Variants in OPCML observed in about 807,000 individuals in gnomAD.
OPCML encodes the protein opioid-binding protein/cell adhesion molecule.
In OPCML, 13 loss-of-function variants were observed where a neutral mutation model predicts 37.8. That is an observed-to-expected ratio of 0.34 (90% confidence interval 0.22 to 0.55). OPCML has a LOEUF of 0.55. Ranked by LOEUF, OPCML falls within the 20% of genes least tolerant of loss-of-function variation. The pLI, the probability that OPCML is intolerant of heterozygous loss-of-function variation, is 0.91. For missense variants in OPCML, 341 were observed against 435.6 expected, an observed-to-expected ratio of 0.78 and a Z score of 1.93; for synonymous variants, 176 against 168.8, an observed-to-expected ratio of 1.04 and a Z score of -0.33.
intron 3 of OPCML, among the ~76,000 whole-genome samples, chr11:132,588,694 G>C (rs961085747): frequency 6.6e-6 from 1 of 152,136 alleles, no homozygotes; most frequent in Non-Finnish European, 1.5e-5. Context: ...CATGTGTAAG[G>C]CTGGGCCCAC....
At chr11:133,214,165 A>C (rs1158039357) in intron 1 of OPCML, among the ~76,000 whole-genome samples, 1 of 152,206 alleles carries the variant, frequency 6.6e-6, no homozygotes, top group Non-Finnish European at 1.5e-5. Flanking sequence ...TTTTAATAAT[A>C]AGATTAAAAA....
At chr11:133,472,096 A>G (rs1316567135) in intron 1 of OPCML, among the ~76,000 whole-genome samples, 1 of 151,934 alleles carries the variant, frequency 6.6e-6, no homozygotes, top group East Asian at 1.9e-4. Context: ...TTTTTTTTCT[A>G]CTGTCAAAAA....
At chr11:132,786,941 A>C (rs1373892564) in intron 2 of OPCML, among the ~76,000 whole-genome samples, 4 of 152,174 alleles carry the variant, frequency 2.6e-5, no homozygotes, top group Non-Finnish European at 4.4e-5. Context: ...GGCATGGAGT[A>C]GGAAGTTCTA....
intron 2 of OPCML, among the ~76,000 whole-genome samples, chr11:132,675,361 A>G (rs1418274302): frequency 6.6e-6 from 1 of 152,024 alleles, no homozygotes; most frequent in Non-Finnish European, 1.5e-5. Flanking sequence ...ATAGCTCTTA[A>G]TTACACCCTC....
intron 2 of OPCML, among the ~76,000 whole-genome samples, chr11:132,853,429 T>TA (rs1941904767): frequency 1.3e-5 from 2 of 152,188 alleles, no homozygotes; most frequent in African/African-American, 4.8e-5. Flanking sequence ...ATGGTAAAAA[T>TA]ATGAATTCAA....
chr11:133,374,992 A>G (rs1048087042), intron 1 of OPCML, among the ~76,000 whole-genome samples: 1 of 152,202 alleles, frequency 6.6e-6, no homozygotes, highest in African/African-American at 2.4e-5. Flanking sequence ...TTAGTATGAA[A>G]GTGAATGATT....
At chr11:133,057,532 T>C (rs1025914304) in intron 1 of OPCML, among the ~76,000 whole-genome samples, 34 of 152,188 alleles carry the variant, frequency 2.2e-4, no homozygotes, top group African/African-American at 8.2e-4. Context: ...AATTCTCCAG[T>C]AGGACATGGG....
rs117234931 is a variant in OPCML, at chr11:132,555,669, G to A, written c.380-26483C>T. Among the ~76,000 whole-genome samples the A allele has an allele frequency of 6.6e-4, 100 of 152,188 alleles. No homozygotes were observed. In the East Asian group the frequency reaches 0.019, roughly 28 times the overall value. ...AACCCTCAAGTCTGAAGAAAGGAGG[G>A]GATGAATGAAGGCGCGTAGACTTCT... On this transcript the variant is annotated intron_variant, in intron 3 of 7. Transcript: ENST00000524381.
chr11:133,488,336 T>C (rs1378042611), intron 1 of OPCML, among the ~76,000 whole-genome samples: 1 of 152,144 alleles, frequency 6.6e-6, no homozygotes, highest in Non-Finnish European at 1.5e-5. Context: ...CCTTGTTCAA[T>C]GATGATATGA....
intron 1 of OPCML, among the ~76,000 whole-genome samples, chr11:133,434,707 T>C (rs1475025000): frequency 6.6e-6 from 1 of 150,792 alleles, no homozygotes; most frequent in Non-Finnish European, 1.5e-5. Flanking sequence ...GTAAGAAAAT[T>C]GGCTTCTACT....
At chr11:133,139,430 T>C (rs1027529780) in intron 1 of OPCML, among the ~76,000 whole-genome samples, 5 of 152,244 alleles carry the variant, frequency 3.3e-5, no homozygotes, top group African/African-American at 1.2e-4. Context: ...TCAGAGAGGT[T>C]GCCCAGTGCT....
Position 133,212,024 on chromosome 11 carries a change from C to A in OPCML, c.62-269014G>T, listed in dbSNP as rs1006876553. The stretch of plus-strand genomic sequence containing the variant: ...ACAGCCTGATAGCAGATTGACCGTG[C>A]CAGCTGTCACTTTTACAATCTCCAT... On this transcript the variant is annotated intron_variant, in intron 1 of 7. Coordinates refer to ENST00000524381, the MANE Select transcript of OPCML (RefSeq NM_001012393.5). The surrounding 1 kb of genome is among the most constrained non-coding windows in gnomAD (Gnocchi z 4.9). Among the ~76,000 whole-genome samples, 13 of 152,050 alleles carry A rather than the reference C, an allele frequency of 8.5e-5. No individual in the cohort carries two copies. The highest frequency in any genetic ancestry group is 2.9e-4 in the African/African-American group (12 of 41,342).
At chr11:132,902,745 A>G (rs1194385283) in intron 2 of OPCML, among the ~76,000 whole-genome samples, 1 of 152,066 alleles carries the variant, frequency 6.6e-6, no homozygotes, top group Non-Finnish European at 1.5e-5. Flanking sequence ...CTGATTAAGG[A>G]AACTTCTTTC....
chr11:133,151,914 G>A (rs150151368), intron 1 of OPCML, among the ~76,000 whole-genome samples: 1 of 152,224 alleles, frequency 6.6e-6, no homozygotes, highest in African/African-American at 2.4e-5. Flanking sequence ...TCCTCAGAGT[G>A]CCTTGGCAGG....
chr11:133,219,636 A>G (rs1592115867), intron 1 of OPCML, among the ~76,000 whole-genome samples: 1 of 152,146 alleles, frequency 6.6e-6, no homozygotes, highest in African/African-American at 2.4e-5. Flanking sequence ...ATTTCTAACA[A>G]GCCTCCAGGC....
chr11:133,499,480 C>T (rs1947858408), intron 1 of OPCML, among the ~76,000 whole-genome samples: 1 of 151,986 alleles, frequency 6.6e-6, no homozygotes, highest in Non-Finnish European at 1.5e-5. Flanking sequence ...GAAATGGAAC[C>T]TTAACCCCTT....
At chr11:132,956,732 A>G (rs1368356498) in intron 1 of OPCML, among the ~76,000 whole-genome samples, 1 of 152,164 alleles carries the variant, frequency 6.6e-6, no homozygotes, top group Non-Finnish European at 1.5e-5. Flanking sequence ...CCCAGCACTG[A>G]CATTGTATTC....
chr11:132,818,462 T>C (rs1363572238), intron 2 of OPCML, among the ~76,000 whole-genome samples: 1 of 151,750 alleles, frequency 6.6e-6, no homozygotes, highest in Non-Finnish European at 1.5e-5. Context: ...TGTCAGCACA[T>C]GGCCTTTGCA....
chr11:132,525,318 T>TA (rs1439178453), intron 4 of OPCML, among the ~76,000 whole-genome samples: 1 of 152,224 alleles, frequency 6.6e-6, no homozygotes, highest in South Asian at 2.1e-4. Flanking sequence ...GTGTGATTGT[T>TA]ACTATTTTTA....
Sources: allele counts gnomAD v4.1 joint callset (sites outside exome capture counted in the v4.1 genomes callset), GRCh38; gene constraint gnomAD v4.1.1; non-coding constraint Gnocchi (gnomAD v3.1); transcripts MANE v1.5; gene names NCBI Gene and HGNC (gene_info 2026-07-23, HGNC 2026-07-21).